Variants in AHCYL2 observed in about 807,000 individuals in gnomAD.
The protein encoded by AHCYL2 is adenosylhomocysteinase like 2.
In AHCYL2, 28 loss-of-function variants were observed where a neutral mutation model predicts 81.4. The ratio of observed to expected loss-of-function variants is 0.34; its 90% CI spans 0.25 to 0.47. The LOEUF (loss-of-function observed/expected upper bound fraction) is 0.47. AHCYL2 is among the 20% of genes least tolerant of loss of function. The probability of loss-of-function intolerance (pLI) is 1.00; values close to 1 mark genes in which losing one functional copy is unlikely to be tolerated. For missense variants in AHCYL2, 551 were observed against 785.1 expected, an observed-to-expected ratio of 0.70 and a Z score of 3.56; for synonymous variants, 272 against 290.2, an observed-to-expected ratio of 0.94 and a Z score of 0.64.
At chr7:129,323,909 C>T (rs1177179232) in intron 1 of AHCYL2, among the ~76,000 whole-genome samples, 10 of 125,674 alleles carry the variant, frequency 8.0e-5, no homozygotes, top group Admixed American at 5.7e-4. Context: ...CTCACTCTTT[C>T]GCCCAGGTTG....
intron 1 of AHCYL2, chr7:129,377,685 T>C (rs1794754065): frequency 4.4e-6 from 2 of 452,206 alleles, no homozygotes; most frequent in South Asian, 1.6e-5. Context: ...CCACCTTGGA[T>C]CCAGAATAGG....
At chr7:129,381,175 A>T (rs1254829335) in intron 2 of AHCYL2, among the ~76,000 whole-genome samples, 1 of 152,184 alleles carries the variant, frequency 6.6e-6, no homozygotes, top group Non-Finnish European at 1.5e-5. Flanking sequence ...GGGTTTGTGC[A>T]TGTTATCTAA....
chr7:129,309,370 C>T (rs1054580108), intron 1 of AHCYL2, among the ~76,000 whole-genome samples: 5 of 152,064 alleles, frequency 3.3e-5, no homozygotes, highest in African/African-American at 1.2e-4. Context: ...GAGATTCCAT[C>T]TCTACAAAAA....
At chr7:129,392,400 C>A (rs1264110047) in intron 4 of AHCYL2, among the ~76,000 whole-genome samples, 1 of 152,180 alleles carries the variant, frequency 6.6e-6, no homozygotes, top group African/African-American at 2.4e-5. Flanking sequence ...TTATAGATGG[C>A]GCTTTCTATG....
rs138127102 is a variant in AHCYL2 at position 129,230,268 on chromosome 7, G to C, written c.363+4829G>C. ...CGGCTGATTTTTTTAATTTTTAGTA[G>C]AGACTGGGTTTCACCAAGTTAGCCA... is the stretch of plus-strand genomic sequence containing the variant. On this transcript the variant is annotated intron_variant, in intron 1 of 16. Coordinates refer to ENST00000325006, the MANE Select transcript of AHCYL2 (RefSeq NM_015328.4). Among the ~76,000 whole-genome samples the C allele has an allele frequency of 1.4e-4, 21 of 151,668 alleles. No homozygotes were observed. In the South Asian group the frequency reaches 4.2e-3, roughly 30 times the overall value.
Position 129,428,221 on chromosome 7 carries a change from C to T in AHCYL2, c.*1176C>T, listed in dbSNP as rs1239646473. 1 of 152,234 alleles carries T rather than the reference C, an allele frequency of 6.6e-6. No homozygotes were observed. Among genetic ancestry groups the T allele is most frequent in the Non-Finnish European group, 1.5e-5 (1 of 68,048 alleles). The allele number at this position is 152,234 out of a possible 1,614,324, so 9.4% of individuals were successfully genotyped here. On this transcript the variant is annotated 3_prime_UTR_variant, in exon 17 of 17. Coordinates refer to ENST00000325006, the MANE Select transcript of AHCYL2 (RefSeq NM_015328.4). Reference sequence around the variant, plus strand: ...CCTTTGGCCATTGCCATGGATGAAACCGAGATCTGCAGTCTGATCTGTGGA... The same window carrying T: ...CCTTTGGCCATTGCCATGGATGAAATCGAGATCTGCAGTCTGATCTGTGGA...
chr7:129,299,369 G>GTTTTT lies in AHCYL2; in HGVS notation c.363+73968_363+73972dup, dbSNP rs71162592. Among the ~76,000 whole-genome samples the GTTTTT allele has an allele frequency of 1.3e-3, 61 of 46,306 alleles. 16 individuals carry two copies. Among genetic ancestry groups the GTTTTT allele is most frequent in the East Asian group, 7.2e-3 (8 of 1,104 alleles). The allele number at this position is 46,306 out of a possible 152,430, so 30.4% of individuals were successfully genotyped here. A position where few individuals can be genotyped will look rare whatever the true frequency, so the allele number is the denominator to read the frequency against. On this transcript the variant is annotated intron_variant, in intron 1 of 16. Transcript: ENST00000325006. ...AGGCTGAGGTGGGAGAGTCCAACTT[G>GTTTTT]TTTTTTTTTTTTTTTTTTTTTTTTT...
At chr7:129,375,572 G>A in intron 1 of AHCYL2, 1 of 1,231,128 alleles carries the variant, frequency 8.1e-7, no homozygotes, top group Non-Finnish European at 1.0e-6. Flanking sequence ...AAGGTTTAGA[G>A]GTCAGAGGAT....
In AHCYL2 at chr7:129,314,897, G is replaced by A. The variant is rs1020291810; in HGVS notation, c.364-64741G>A. Among the ~76,000 whole-genome samples, 9 of 152,254 alleles carry A rather than the reference G, an allele frequency of 5.9e-5. No individual in the cohort carries two copies. In the South Asian group the frequency reaches 1.9e-3, roughly 32 times the overall value. ...TACTAAATTTGATTCTGTTTCAGTG[G>A]TTGGCTTATTTGCTGCTTTTTTTAG... On this transcript the variant is annotated intron_variant, in intron 1 of 16. Coordinates refer to ENST00000325006, the MANE Select transcript of AHCYL2 (RefSeq NM_015328.4).
At chr7:129,420,493 T>G (rs1225015926) in intron 12 of AHCYL2, among the ~76,000 whole-genome samples, 1 of 151,368 alleles carries the variant, frequency 6.6e-6, no homozygotes, top group Non-Finnish European at 1.5e-5. Flanking sequence ...TTTTTTTTTT[T>G]TTTGAGACAA....
At chr7:129,248,464 T>G (rs539057010) in intron 1 of AHCYL2, among the ~76,000 whole-genome samples, 1 of 152,262 alleles carries the variant, frequency 6.6e-6, no homozygotes, top group East Asian at 1.9e-4. Flanking sequence ...TATTTTTTAT[T>G]TGTATTACTT....
At chr7:129,258,556 C>CT (rs56039495) in intron 1 of AHCYL2, among the ~76,000 whole-genome samples, 97 of 133,114 alleles carry the variant, frequency 7.3e-4, no homozygotes, top group African/African-American at 2.5e-3. Context: ...ATTTATCTTG[C>CT]TTTTTTTTTT....
chr7:129,316,067 G>A (rs1158142801), intron 1 of AHCYL2, among the ~76,000 whole-genome samples: 1 of 152,142 alleles, frequency 6.6e-6, no homozygotes, highest in East Asian at 1.9e-4. Context: ...ATGTGATCTA[G>A]CAGTCAAAGG....
intron 1 of AHCYL2, among the ~76,000 whole-genome samples, chr7:129,336,059 CT>C (rs60686267): frequency 0.047 from 6,454 of 136,694 alleles, 557 homozygotes; most frequent in African/African-American, 0.17. Context: ...CTTTTCTCTT[CT>C]CTTTTCTTTC....
At chr7:129,397,422 G>C (rs1326756993) in intron 5 of AHCYL2, 98 bp downstream of exon 5, 27 of 1,192,144 alleles carry the variant, frequency 2.3e-5, no homozygotes, top group Non-Finnish European at 2.9e-5. Flanking sequence ...GACAATAAAA[G>C]AACTATCTTG....
intron 1 of AHCYL2, among the ~76,000 whole-genome samples, chr7:129,328,451 C>T (rs1404715952): frequency 6.6e-6 from 1 of 152,058 alleles, no homozygotes; most frequent in Non-Finnish European, 1.5e-5. Context: ...GCTGGGATTA[C>T]AGGCTTGAGC....
At chr7:129,294,591 C>T (rs1407159823) in intron 1 of AHCYL2, among the ~76,000 whole-genome samples, 3 of 152,138 alleles carry the variant, frequency 2.0e-5, no homozygotes, top group African/African-American at 7.2e-5. Context: ...AATCTGAATC[C>T]ATATCGGTCT....
chr7:129,397,711 G>A (rs971326166), intron 5 of AHCYL2, among the ~76,000 whole-genome samples: 4 of 152,188 alleles, frequency 2.6e-5, no homozygotes, highest in Non-Finnish European at 5.9e-5. Flanking sequence ...CTGACTTAAT[G>A]TTTGGTGTTT....
chr7:129,275,827 G>A (rs1796181691), intron 1 of AHCYL2, among the ~76,000 whole-genome samples: 1 of 152,050 alleles, frequency 6.6e-6, no homozygotes. Flanking sequence ...GTAATTGATG[G>A]TCAAACAGAC....
Sources: allele counts gnomAD v4.1 joint callset (sites outside exome capture counted in the v4.1 genomes callset), GRCh38; gene constraint gnomAD v4.1.1; transcripts MANE v1.5; gene names NCBI Gene and HGNC (gene_info 2026-07-23, HGNC 2026-07-21).